The following CLVS1 variants were observed in gnomAD, a reference collection of about 807,000 sequenced individuals.
CLVS1 encodes clavesin-1.
CLVS1 carries 10 observed loss-of-function variants against 33.1 expected under a neutral mutation model. The ratio of observed to expected loss-of-function variants is 0.30; its 90% CI spans 0.19 to 0.51. CLVS1 has a LOEUF of 0.51. Ranked by LOEUF, CLVS1 falls within the 20% of genes least tolerant of loss-of-function variation. The probability of loss-of-function intolerance (pLI) is 0.97; values close to 1 mark genes in which losing one functional copy is unlikely to be tolerated. For missense variants in CLVS1, 343 were observed against 433.4 expected (o/e 0.79, Z 1.85); for synonymous variants, 163 against 166.1 (o/e 0.98, Z 0.14).
chr8:61,398,666 C>A (rs1481962734), intron 3 of CLVS1, among the ~76,000 whole-genome samples: 1 of 152,106 alleles, frequency 6.6e-6, no homozygotes, highest in Non-Finnish European at 1.5e-5. Context: ...TTAAACCCAG[C>A]ATCTATTAAC....
intron 1 of CLVS1, among the ~76,000 whole-genome samples, chr8:61,073,202 AG>A (rs887505635): frequency 2.5e-4 from 38 of 152,282 alleles, no homozygotes; most frequent in African/African-American, 8.9e-4. Flanking sequence ...AAATCTCTTC[AG>A]AAAAAAAAAT....
chr8:61,384,411 A>G (rs1441360915), intron 3 of CLVS1, among the ~76,000 whole-genome samples: 2 of 152,204 alleles, frequency 1.3e-5, no homozygotes, highest in Admixed American at 1.3e-4. Context: ...AATAATTTAC[A>G]TAAGAAATGA....
the CLVS1 span, among the ~76,000 whole-genome samples, chr8:61,038,382 G>C: frequency 2.0e-5 from 3 of 151,304 alleles, no homozygotes; most frequent in Admixed American, 2.0e-4. Flanking sequence ...CACTCAGACA[G>C]AGCCCTTCCT....
chr8:61,493,966 G>A lies in CLVS1; in HGVS notation c.978-5489G>A, dbSNP rs573316887. 2.0e-5 allele frequency among the ~76,000 whole-genome samples: 3 copies of A among 152,250 alleles called. No individual in the cohort carries two copies. The East Asian group carries it at 5.8e-4, about 29-fold the overall frequency. On this transcript the variant is annotated intron_variant, in intron 5 of 5. Coordinates refer to ENST00000325897, the MANE Select transcript of CLVS1 (RefSeq NM_173519.3). ...GCAGCATTCCTGTCCCTTTGTTGGG[G>A]TCCACATAGCTCAAGAAGGCAATGC... is the stretch of plus-strand genomic sequence containing the variant.
chr8:61,095,807 A>G (rs1192906978), intron 1 of CLVS1, among the ~76,000 whole-genome samples: 1 of 152,202 alleles, frequency 6.6e-6, no homozygotes, highest in African/African-American at 2.4e-5. Context: ...TTAGTCAGAT[A>G]TCTTTTTTTA....
At chr8:61,401,391 G>A (rs1236612430) in intron 3 of CLVS1, among the ~76,000 whole-genome samples, 1 of 152,062 alleles carries the variant, frequency 6.6e-6, no homozygotes, top group African/African-American at 2.4e-5. Flanking sequence ...TTAAGTGTGA[G>A]GTTAGTTGTG....
the CLVS1 span, among the ~76,000 whole-genome samples, chr8:61,038,348 G>A: frequency 6.6e-6 from 1 of 151,734 alleles, no homozygotes; most frequent in Non-Finnish European, 1.5e-5. Flanking sequence ...AGAGGAAGGA[G>A]GGTGCTGTTT....
intron 3 of CLVS1, among the ~76,000 whole-genome samples, chr8:61,405,703 CTT>C (rs775749517): frequency 4.1e-4 from 51 of 124,724 alleles, no homozygotes; most frequent in Non-Finnish European, 4.5e-4. Context: ...GTGGAACTGA[CTT>C]TTTTTTTTTT....
upstream of CLVS1, among the ~76,000 whole-genome samples, chr8:61,052,615 T>C (rs1258271044): frequency 6.6e-6 from 1 of 152,170 alleles, no homozygotes; most frequent in East Asian, 1.9e-4. Flanking sequence ...ATAATCGTGC[T>C]GGTGAGCAAG....
At chr8:61,037,236 C>T in the CLVS1 span, among the ~76,000 whole-genome samples, 4 of 152,130 alleles carry the variant, frequency 2.6e-5, no homozygotes, top group African/African-American at 9.7e-5. Context: ...TACATTTTTG[C>T]ACAATTAATG....
chr8:61,448,545 C>A (rs1345836012), intron 3 of CLVS1, among the ~76,000 whole-genome samples: 1 of 151,888 alleles, frequency 6.6e-6, no homozygotes, highest in East Asian at 1.9e-4. Context: ...ATCTGCTAAG[C>A]TTTTTATTGG....
intron 5 of CLVS1, among the ~76,000 whole-genome samples, chr8:61,493,275 T>C (rs1296601186): frequency 1.3e-5 from 2 of 152,228 alleles, no homozygotes; most frequent in Non-Finnish European, 2.9e-5. Flanking sequence ...GTAAGTCTTT[T>C]AGTGGTGCCA....
At chr8:61,016,588 C>T in the CLVS1 span, among the ~76,000 whole-genome samples, 77 of 152,364 alleles carry the variant, frequency 5.1e-4, no homozygotes, top group African/African-American at 1.9e-3. Context: ...AGCAGCTAAA[C>T]TATCACTTTC....
At chr8:61,164,462 G>C (rs188223208) in intron 2 of CLVS1, among the ~76,000 whole-genome samples, 143 of 152,272 alleles carry the variant, frequency 9.4e-4, no homozygotes, top group African/African-American at 3.3e-3. Context: ...CAAACATTGC[G>C]ATTCCCGCTG....
Position 61,348,478 on chromosome 8 carries a change from A to G in CLVS1, c.456-28127A>G, listed in dbSNP as rs150510766. Among the ~76,000 whole-genome samples, 621 of 152,258 alleles carry G rather than the reference A, an allele frequency of 4.1e-3. 2 individuals carry two copies. Among genetic ancestry groups the G allele is most frequent in the Non-Finnish European group, 6.7e-3 (453 of 67,994 alleles). ...ACATGTACCCTAGAACTTAAAGTAT[A>G]ATAAAAAATAATAATAATAATAACT... is the stretch of plus-strand genomic sequence containing the variant. On this transcript the variant is annotated intron_variant, in intron 2 of 5. Coordinates refer to ENST00000325897, the MANE Select transcript of CLVS1 (RefSeq NM_173519.3).
chr8:61,229,123 C>A (rs1466652075), intron 2 of CLVS1, among the ~76,000 whole-genome samples: 2 of 152,166 alleles, frequency 1.3e-5, no homozygotes, highest in African/African-American at 2.4e-5. Context: ...GGTCATTTGA[C>A]TGTCTTGAGA....
chr8:61,287,968 A>C, upstream of CLVS1: 1 of 387,924 alleles, frequency 2.6e-6, no homozygotes, highest in Non-Finnish European at 5.2e-6. Context: ...TCGGGCGCAC[A>C]CGCCTCCTAC....
chr8:61,498,035 G>T (rs932311318), intron 5 of CLVS1, among the ~76,000 whole-genome samples: 1 of 152,118 alleles, frequency 6.6e-6, no homozygotes, highest in Non-Finnish European at 1.5e-5. Flanking sequence ...TTTATGATCT[G>T]TATCTTTTGC....
chr8:61,052,676 G>C (rs1379282904), upstream of CLVS1, among the ~76,000 whole-genome samples: 2 of 152,216 alleles, frequency 1.3e-5, no homozygotes, highest in Non-Finnish European at 2.9e-5. Context: ...GGGCAGGCTA[G>C]GAGATCACTC....
Sources: gnomAD v4.1 joint callset for allele counts (sites outside exome capture counted in the v4.1 genomes callset) on GRCh38, gnomAD v4.1.1 for gene constraint, MANE v1.5 for transcripts, NCBI Gene and HGNC (gene_info 2026-07-23, HGNC 2026-07-21) for gene names.